RIMKLA: variants seen among roughly 807,000 people sequenced by gnomAD.
The protein encoded by RIMKLA is N-acetylaspartylglutamate synthase A.
In RIMKLA, 14 loss-of-function variants were observed where a neutral mutation model predicts 32.7. The observed-to-expected ratio is 0.43, with a 90% CI of 0.28 to 0.67. The LOEUF is 0.67. RIMKLA is among the 30% of genes least tolerant of loss of function. The pLI is 0.18. For synonymous variants in RIMKLA, 176 were observed against 204.1 expected (o/e 0.86, Z 1.18); for missense variants, 410 against 519.0 (o/e 0.79, Z 2.04).
At chr1:42,382,040 C>T (rs1319389905) in intron 1 of RIMKLA, among the ~76,000 whole-genome samples, 1 of 151,982 alleles carries the variant, frequency 6.6e-6, no homozygotes, top group Non-Finnish European at 1.5e-5. Context: ...TAAATAAGCT[C>T]GTAATCTGTT....
rs1174626236 is a variant in RIMKLA at position 42,399,499 on chromosome 1, G to C, written c.259G>C (p.Val87Leu). Residue 87 changes from valine to leucine, a missense_variant, in exon 2 of 5, where the codon GTC becomes CTC. Val to Leu is a conservative substitution (Grantham distance 32, BLOSUM62 1). Coordinates refer to ENST00000431473, the MANE Select transcript of RIMKLA (RefSeq NM_173642.4). ...PSVQSDSDIT[V>L]LRHLEKLGCR... Reference sequence around the variant, plus strand: ...AGTGCAGTCAGACAGTGACATCACTGTCCTGCGACACCTGGAGAAGCTGGG... The same window carrying C: ...AGTGCAGTCAGACAGTGACATCACTCTCCTGCGACACCTGGAGAAGCTGGG... 6.2e-7 allele frequency: 1 copy of C among 1,613,442 alleles called. No homozygotes were observed. The highest frequency in any genetic ancestry group is 8.5e-7 in the Non-Finnish European group (1 of 1,179,782).
chr1:42,394,105 T>C (rs554578414), intron 1 of RIMKLA, among the ~76,000 whole-genome samples: 1 of 152,356 alleles, frequency 6.6e-6, no homozygotes, highest in East Asian at 1.9e-4. Context: ...ATTTATATAG[T>C]TGATTCCTTT....
chr1:42,403,816 G>T (rs184060658), intron 2 of RIMKLA, among the ~76,000 whole-genome samples: 3 of 152,312 alleles, frequency 2.0e-5, no homozygotes, highest in Admixed American at 2.0e-4. Flanking sequence ...TGTCAGCTGG[G>T]GTTGTGGTCT....
chr1:42,411,140 G>A (rs1439422779), intron 4 of RIMKLA, among the ~76,000 whole-genome samples: 1 of 152,114 alleles, frequency 6.6e-6, no homozygotes, highest in Non-Finnish European at 1.5e-5. Flanking sequence ...GACCAGCCTG[G>A]ACAATAAAGT....
rs1435077725 is a variant in RIMKLA, at chr1:42,415,767, A to G, written c.*793A>G. 6.6e-6 allele frequency: 1 copy of G among 152,182 alleles called. No homozygotes were observed. The highest frequency in any genetic ancestry group is 2.4e-5 in the African/African-American group (1 of 41,438). 9.4% of individuals were successfully genotyped at this position (152,182 alleles called of 1,614,324 possible). ...CACTCAGTTTATTTCTTAAGCGTGC[A>G]CTAGAATCTAACACCATGGACTTTG... On this transcript the variant is annotated 3_prime_UTR_variant, in exon 5 of 5. Transcript: ENST00000431473.
intron 1 of RIMKLA, 42 bp downstream of exon 1, chr1:42,381,139 G>T: frequency 3.2e-6 from 4 of 1,240,046 alleles, no homozygotes; most frequent in Non-Finnish European, 4.0e-6. Flanking sequence ...GGCGCGCCGG[G>T]GTCCACGAGA....
rs1180722533 is a variant in RIMKLA at position 42,417,687 on chromosome 1, G to A, written c.*2713G>A. 6.6e-6 allele frequency: 1 copy of A among 152,352 alleles called. No individual in the cohort carries two copies. Among genetic ancestry groups the A allele is most frequent in the Non-Finnish European group, 1.5e-5 (1 of 68,162 alleles). 9.4% of individuals were successfully genotyped at this position (152,352 alleles called of 1,614,324 possible). ...AAAGAAAAAGGCCAGGCCGGGCGTGGTGGTTCACGCCTGTAATCTCAGCAC... is the reference window on the plus strand; with the variant it reads ...AAAGAAAAAGGCCAGGCCGGGCGTGATGGTTCACGCCTGTAATCTCAGCAC... On this transcript the variant is annotated 3_prime_UTR_variant, in exon 5 of 5. Coordinates refer to ENST00000431473, the MANE Select transcript of RIMKLA (RefSeq NM_173642.4).
rs1210770966 is a variant in RIMKLA, at chr1:42,413,420, CT to C, written c.686-1062del. 2.7e-5 allele frequency among the ~76,000 whole-genome samples: 4 copies of C among 148,088 alleles called. No individual in the cohort carries two copies. In the East Asian group the frequency reaches 6.2e-4, roughly 23 times the overall value. Reference sequence around the variant, plus strand: ...GCAGGCTGAGGCAAGAGGAGAATTGCTTGAATCCAGGAGGCGGAGGTTGCAG... The same window carrying C: ...GCAGGCTGAGGCAAGAGGAGAATTGCTGAATCCAGGAGGCGGAGGTTGCAG... On this transcript the variant is annotated intron_variant, in intron 4 of 4. Transcript: ENST00000431473.
intron 1 of RIMKLA, among the ~76,000 whole-genome samples, chr1:42,393,870 T>C (rs549013878): frequency 1.3e-5 from 2 of 152,146 alleles, no homozygotes; most frequent in African/African-American, 2.4e-5. Context: ...CTGCAACCTC[T>C]GCCTCCCGGG....
chr1:42,388,517 GTT>G (rs35842187), intron 1 of RIMKLA, among the ~76,000 whole-genome samples: 40 of 131,710 alleles, frequency 3.0e-4, no homozygotes, highest in Non-Finnish European at 4.3e-4. Context: ...CTGAAAGCTT[GTT>G]TTTTTTTTTT....
At chr1:42,414,066 T>G (rs9803864) in intron 4 of RIMKLA, among the ~76,000 whole-genome samples, 61,515 of 151,316 alleles carry the variant, frequency 0.41, 13,066 homozygotes, top group Middle Eastern at 0.54. Context: ...GGTATTATTA[T>G]TAATGGCTGT....
At chr1:42,414,414 C>T (rs770128201) in intron 4 of RIMKLA, 70 bp from the exon 5 acceptor site, 16 of 1,521,898 alleles carry the variant, frequency 1.1e-5, no homozygotes, top group Admixed American at 1.8e-5. Flanking sequence ...TGGGCAGATC[C>T]CTGTCTCTTC....
chr1:42,393,689 G>A (rs1294294951), intron 1 of RIMKLA, among the ~76,000 whole-genome samples: 1 of 152,072 alleles, frequency 6.6e-6, no homozygotes, highest in Non-Finnish European at 1.5e-5. Context: ...GGGGAAAGGT[G>A]GAAACTGATG....
chr1:42,413,291 C>T (rs1322697484), intron 4 of RIMKLA, among the ~76,000 whole-genome samples: 1 of 151,954 alleles, frequency 6.6e-6, no homozygotes, highest in Non-Finnish European at 1.5e-5. Flanking sequence ...CACCTGAGGT[C>T]AGGAGTTCGA....
At chr1:42,382,775 C>T (rs1221793013) in intron 1 of RIMKLA, among the ~76,000 whole-genome samples, 2 of 152,158 alleles carry the variant, frequency 1.3e-5, no homozygotes, top group East Asian at 1.9e-4. Flanking sequence ...ACAGGAAACA[C>T]TCAGACCCTT....
chr1:42,406,620 T>C (rs180807439), intron 3 of RIMKLA, among the ~76,000 whole-genome samples: 1 of 152,342 alleles, frequency 6.6e-6, no homozygotes, highest in East Asian at 1.9e-4. Context: ...ACATTTTACA[T>C]TTCCACCAGC....
At chr1:42,392,321 C>A (rs758834903) in intron 1 of RIMKLA, among the ~76,000 whole-genome samples, 4 of 151,738 alleles carry the variant, frequency 2.6e-5, no homozygotes, top group Non-Finnish European at 5.9e-5. Flanking sequence ...CTCCCTCCCC[C>A]TGCTCAACAA....
intron 1 of RIMKLA, among the ~76,000 whole-genome samples, chr1:42,387,353 T>C (rs1403532512): frequency 1.3e-5 from 2 of 151,970 alleles, no homozygotes; most frequent in African/African-American, 4.8e-5. Flanking sequence ...CCTGTGATAG[T>C]GCCACTGCTC....
At chr1:42,386,730 CA>C (rs1289564323) in intron 1 of RIMKLA, among the ~76,000 whole-genome samples, 1 of 145,328 alleles carries the variant, frequency 6.9e-6, no homozygotes, top group African/African-American at 2.6e-5. Flanking sequence ...AAAAAAAATA[CA>C]AAAATTACCC....
Sources: allele counts gnomAD v4.1 joint callset (sites outside exome capture counted in the v4.1 genomes callset), GRCh38; gene constraint gnomAD v4.1.1; transcripts MANE v1.5; gene names NCBI Gene and HGNC (gene_info 2026-07-23, HGNC 2026-07-21).